Variants in PLEKHO2 observed in about 807,000 individuals in gnomAD.
The protein encoded by PLEKHO2 is pleckstrin homology domain containing O2.
PLEKHO2 carries 20 observed loss-of-function variants against 32.7 expected under a neutral mutation model. That is an observed-to-expected ratio of 0.61 (90% CI 0.43 to 0.89). The LOEUF (loss-of-function observed/expected upper bound fraction) is 0.89, where lower values mean the gene tolerates loss of function less well. Ranked by LOEUF, PLEKHO2 falls within the 40% of genes least tolerant of loss-of-function variation. PLEKHO2 has a pLI of 0.00. For synonymous variants in PLEKHO2, 247 were observed against 246.3 expected (o/e 1.00, Z -0.03); for missense variants, 568 against 621.2 (o/e 0.91, Z 0.91).
intron 1 of PLEKHO2, among the ~76,000 whole-genome samples, chr15:64,844,824 C>T (rs191572890): frequency 3.7e-4 from 56 of 152,300 alleles, no homozygotes; most frequent in African/African-American, 1.3e-3. Context: ...GCCCTTATCT[C>T]ATCAGAGAGC....
chr15:64,857,197 G>C lies in PLEKHO2; in HGVS notation c.279+2160G>C, dbSNP rs574362066. On this transcript the variant is annotated intron_variant, in intron 3 of 5. Transcript: ENST00000323544. ...CTTAACCTTTTCCCAGGCCTTGTGG[G>C]CCTAGTCTGTGGCCAGTCCTGTTAG... 2.6e-5 allele frequency among the ~76,000 whole-genome samples: 4 copies of C among 152,228 alleles called. No individual in the cohort carries two copies. The South Asian group carries it at 8.3e-4, about 32-fold the overall frequency.
intron 1 of PLEKHO2, among the ~76,000 whole-genome samples, chr15:64,843,070 G>A (rs946428317): frequency 5.3e-5 from 8 of 152,156 alleles, no homozygotes; most frequent in African/African-American, 1.9e-4. Flanking sequence ...TGGCCAGCTG[G>A]GAAGCCCTGA....
chr15:64,860,277 G>A (rs1400686188), intron 4 of PLEKHO2, among the ~76,000 whole-genome samples: 1 of 152,270 alleles, frequency 6.6e-6, no homozygotes. Context: ...GTGGCAGCAT[G>A]CATCCTTTCT....
intron 1 of PLEKHO2, among the ~76,000 whole-genome samples, chr15:64,846,307 T>C (rs1399933377): frequency 6.6e-6 from 1 of 151,236 alleles, no homozygotes; most frequent in East Asian, 1.9e-4. Context: ...TTCCTATATC[T>C]GGGAAGACCT....
At chr15:64,858,362 GGA>G (rs2084620341) in intron 3 of PLEKHO2, among the ~76,000 whole-genome samples, 1 of 152,158 alleles carries the variant, frequency 6.6e-6, no homozygotes, top group East Asian at 1.9e-4. Context: ...TTACATAACT[GGA>G]GAGTGGAGGG....
At chr15:64,847,809 G>T (rs2084534030) in intron 1 of PLEKHO2, among the ~76,000 whole-genome samples, 1 of 152,204 alleles carries the variant, frequency 6.6e-6, no homozygotes, top group African/African-American at 2.4e-5. Flanking sequence ...TGCCTGGAGT[G>T]GGGAGGAGGG....
At chr15:64,860,502 T>A (rs2084634092) in intron 4 of PLEKHO2, among the ~76,000 whole-genome samples, 1 of 152,226 alleles carries the variant, frequency 6.6e-6, no homozygotes, top group Non-Finnish European at 1.5e-5. Context: ...ACAATCTGGC[T>A]TGGGGCAGGC....
intron 3 of PLEKHO2, among the ~76,000 whole-genome samples, chr15:64,857,815 C>T (rs765766316): frequency 1.3e-5 from 2 of 152,196 alleles, no homozygotes; most frequent in Non-Finnish European, 2.9e-5. Context: ...GGGCTGGGTC[C>T]AGTGGTTCTG....
intron 1 of PLEKHO2, among the ~76,000 whole-genome samples, chr15:64,843,929 G>A (rs1212332346): frequency 1.3e-5 from 2 of 151,982 alleles, no homozygotes; most frequent in African/African-American, 4.8e-5. Context: ...CTAAATATCT[G>A]GGCCATCTAA....
intron 3 of PLEKHO2, among the ~76,000 whole-genome samples, chr15:64,858,249 C>T (rs571902451): frequency 6.6e-6 from 1 of 152,300 alleles, no homozygotes; most frequent in East Asian, 1.9e-4. Context: ...CTGTGCCTGG[C>T]ATGGTGGGGG....
At chr15:64,861,614 GCCTAGGA>G in intron 5 of PLEKHO2, 39 bp downstream of exon 5, 1 of 1,500,312 alleles carries the variant, frequency 6.7e-7, no homozygotes, top group Non-Finnish European at 9.0e-7. Context: ...GGTTAGTTGA[GCCTAGGA>G]CCTCAGCTCC....
In PLEKHO2 at chr15:64,865,283, C is replaced by T. The variant is rs2010875; in HGVS notation, c.868C>T (p.Pro290Ser). ...GGCCCCTGCTGCAGAGAGTGCAGAACCGTCCCAGGCACCCTGTTCTGAGAC... is the reference window on the plus strand; with the variant it reads ...GGCCCCTGCTGCAGAGAGTGCAGAATCGTCCCAGGCACCCTGTTCTGAGAC... ...QEAPAAESAEPSQAPCSETSE... is the reference protein window; with the variant it reads ...QEAPAAESAESSQAPCSETSE... The change falls in exon 6 of 6, where the codon CCG becomes TCG. Residue 290 changes from proline (P) to serine (S), a missense_variant. Coordinates refer to ENST00000323544, the MANE Select transcript of PLEKHO2 (RefSeq NM_025201.5). 284,848 of 1,613,818 alleles carry T rather than the reference C, an allele frequency of 0.18. 35,903 individuals carry two copies. Among genetic ancestry groups the T allele is most frequent in the East Asian group, 0.8 (35,690 of 44,864 alleles).
chr15:64,865,962 T>C lies in PLEKHO2; in HGVS notation c.*74T>C. ...ATCAAGGCCCAGCCCTGCTGAGAAA[T>C]GTGCTTCTGCTTCTACAGCAATGGC... On this transcript the variant is annotated 3_prime_UTR_variant, in exon 6 of 6. Coordinates refer to ENST00000323544, the MANE Select transcript of PLEKHO2 (RefSeq NM_025201.5). 1 of 1,507,010 alleles carries C rather than the reference T, an allele frequency of 6.6e-7. No homozygotes were observed. Among genetic ancestry groups the C allele is most frequent in the South Asian group, 1.3e-5 (1 of 78,064 alleles). 93.4% of individuals were successfully genotyped at this position (1,507,010 alleles called of 1,614,324 possible).
In PLEKHO2 at chr15:64,865,382, G is replaced by A. The variant is rs1051100377; in HGVS notation, c.967G>A (p.Ala323Thr). The A allele has an allele frequency of 3.1e-6, 5 of 1,613,532 alleles. No individual in the cohort carries two copies. The highest frequency in any genetic ancestry group is 1.7e-5 in the Admixed American group (1 of 59,964). The change falls in exon 6 of 6, where the codon GCC (alanine) becomes ACC (threonine). Residue 323 changes from alanine to threonine, a missense_variant. Ala to Thr is a moderately conservative substitution (Grantham distance 58). Coordinates refer to ENST00000323544, the MANE Select transcript of PLEKHO2 (RefSeq NM_025201.5). ...CAAGATCTTATCAGAGAAACTGAAA[G>A]CCTCCATGGGTGAGATGCAGGCTTC... is the stretch of plus-strand genomic sequence containing the variant. ...PPKILSEKLKASMGEMQASGP... is the reference protein window; with the variant it reads ...PPKILSEKLKTSMGEMQASGP...
In PLEKHO2 at chr15:64,865,654, G is replaced by C. The variant is rs1292320891; in HGVS notation, c.1239G>C (p.Gln413His). ...CCAGGGAACGGCTATATCGGGCCCA[G>C]CTGGAGGTGAAGGTGGCCTCGGAAC... Reference protein sequence around the residue: ...LQPRERLYRAQLEVKVASEQT... With the variant: ...LQPRERLYRAHLEVKVASEQT... Residue 413 changes from glutamine (Q) to histidine (H), a missense_variant, in exon 6 of 6, where the codon CAG becomes CAC. By Grantham distance (24) the Gln-to-His change is conservative. Transcript: ENST00000323544. 1 of 1,614,246 alleles carries C rather than the reference G, an allele frequency of 6.2e-7. No homozygotes were observed. The highest frequency in any genetic ancestry group is 2.2e-5 in the East Asian group (1 of 44,884).
chr15:64,854,481 C>T (rs562449116), intron 2 of PLEKHO2, among the ~76,000 whole-genome samples: 65 of 152,360 alleles, frequency 4.3e-4, no homozygotes, highest in South Asian at 1.2e-3. Context: ...ACACTTCCCT[C>T]TGGCTCTTCC....
chr15:64,848,788 C>A (rs756854487), intron 2 of PLEKHO2, 46 bp downstream of exon 2: 1 of 1,609,996 alleles, frequency 6.2e-7, no homozygotes, highest in South Asian at 1.1e-5. Flanking sequence ...GGGACAGGGG[C>A]AAAGTGAGGG....
intron 2 of PLEKHO2, among the ~76,000 whole-genome samples, chr15:64,853,564 G>T (rs59453144): frequency 0.097 from 14,725 of 152,102 alleles, 2,147 homozygotes; most frequent in African/African-American, 0.31. Flanking sequence ...AAAGTGCTGG[G>T]ATTACAGGTG....
intron 5 of PLEKHO2, among the ~76,000 whole-genome samples, chr15:64,862,283 C>T (rs1022366309): frequency 5.3e-5 from 8 of 151,606 alleles, no homozygotes; most frequent in African/African-American, 1.9e-4. Flanking sequence ...AGGCAGGGGC[C>T]AGGAAGGAGG....
Sources: gnomAD v4.1 joint callset for allele counts (sites outside exome capture counted in the v4.1 genomes callset) on GRCh38, gnomAD v4.1.1 for gene constraint, MANE v1.5 for transcripts, NCBI Gene and HGNC (gene_info 2026-07-23, HGNC 2026-07-21) for gene names.